Variants in CRYL1 observed in about 807,000 individuals in gnomAD.
CRYL1 encodes lambda-crystallin homolog.
CRYL1 carries 29 observed loss-of-function variants against 36.6 expected under a neutral mutation model. The observed-to-expected ratio is 0.79, with a 90% CI of 0.59 to 1.08. The LOEUF (loss-of-function observed/expected upper bound fraction) is 1.08, where lower values mean the gene tolerates loss of function less well. CRYL1 is among the 50% of genes least tolerant of loss of function. The pLI is 0.00. For synonymous variants in CRYL1, 152 were observed against 151.5 expected, an observed-to-expected ratio of 1.00 and a Z score of -0.02; for missense variants, 411 against 407.9, an observed-to-expected ratio of 1.01 and a Z score of -0.06.
rs946480468 is a variant in CRYL1 at position 20,425,374 on chromosome 13, C to T, written c.633+6728G>A. Among the ~76,000 whole-genome samples the T allele has an allele frequency of 3.9e-5, 6 of 152,198 alleles. No homozygotes were observed. The highest frequency in any genetic ancestry group is 2.1e-4 in the South Asian group (1 of 4,832). On this transcript the variant is annotated intron_variant, in intron 5 of 7. Coordinates refer to ENST00000298248, the MANE Select transcript of CRYL1 (RefSeq NM_015974.3). This position sits in a 1 kb window ranked among gnomAD's most constrained non-coding sequence, Gnocchi z 4.4. ...CTTCCAGAGTCGACATCTGAATAAC[C>T]GTCAGTGAGCCTGCCTTGCTCTGTT...
chr13:20,501,365 A>T (rs780975889), intron 2 of CRYL1, among the ~76,000 whole-genome samples: 1 of 152,210 alleles, frequency 6.6e-6, no homozygotes, highest in Non-Finnish European at 1.5e-5. Flanking sequence ...CCGCTGAGCC[A>T]CACTGGACCC....
intron 2 of CRYL1, among the ~76,000 whole-genome samples, chr13:20,510,360 A>G (rs2033890947): frequency 1.3e-5 from 2 of 152,196 alleles, no homozygotes. Context: ...GGAAACTTAA[A>G]TGCATTTTAC....
intron 4 of CRYL1, 62 bp downstream of exon 4, chr13:20,439,525 AAAAAAG>A: frequency 2.0e-5 from 22 of 1,076,382 alleles, no homozygotes; most frequent in East Asian, 6.2e-5. Context: ...AAAAAAAAAA[AAAAAAG>A]AAAAAAAAAA....
chr13:20,513,589 T>TGAA (rs1274122719), intron 1 of CRYL1: 2 of 152,034 alleles, frequency 1.3e-5, no homozygotes, highest in Non-Finnish European at 2.9e-5. Flanking sequence ...TCCACAAGGG[T>TGAA]GATAAGTTAT....
chr13:20,505,374 A>AAAAAAAAAAAAAAAAAAAAAAAAC (rs2033777161), intron 2 of CRYL1, among the ~76,000 whole-genome samples: 1 of 151,784 alleles, frequency 6.6e-6, no homozygotes, highest in Non-Finnish European at 1.5e-5. Context: ...AAAAAAAAAA[A>AAAAAAAAAAAAAAAAAAAAAAAAC]AAAAAAAATC....
intron 2 of CRYL1, among the ~76,000 whole-genome samples, chr13:20,496,698 T>C (rs886220044): frequency 1.3e-5 from 2 of 149,960 alleles, no homozygotes; most frequent in Admixed American, 6.7e-5. Flanking sequence ...ATCAGATCTC[T>C]TGTGCTCAGG....
chr13:20,503,122 T>C (rs1261720263), intron 2 of CRYL1, among the ~76,000 whole-genome samples: 1 of 152,230 alleles, frequency 6.6e-6, no homozygotes, highest in Non-Finnish European at 1.5e-5. Flanking sequence ...AATTAGCATA[T>C]ATATGACTTT....
At chr13:20,431,000 G>T (rs1387731621) in intron 5 of CRYL1, 1 of 985,326 alleles carries the variant, frequency 1.0e-6, no homozygotes, top group East Asian at 1.1e-4. Flanking sequence ...GGAGCCTTAA[G>T]TGGATTTAGA....
chr13:20,520,610 A>G (rs2034075022), intron 1 of CRYL1, among the ~76,000 whole-genome samples: 1 of 152,156 alleles, frequency 6.6e-6, no homozygotes, highest in South Asian at 2.1e-4. Flanking sequence ...TTCATTGCAG[A>G]GGACCAACAG....
chr13:20,481,750 A>G lies in CRYL1; in HGVS notation c.276+7620T>C, dbSNP rs1487069238. 6.6e-6 allele frequency among the ~76,000 whole-genome samples: 1 copy of G among 152,106 alleles called. No individual in the cohort carries two copies. Among genetic ancestry groups the G allele is most frequent in the African/African-American group, 2.4e-5 (1 of 41,416 alleles). On this transcript the variant is annotated intron_variant, in intron 3 of 7. Transcript: ENST00000298248. The surrounding 1 kb of genome is among the most constrained non-coding windows in gnomAD (Gnocchi z 4.1). ...ACATGATGAAACCCCGTCTCTACTA[A>G]AAATACAAAACTTAGCCCGGCATGG...
chr13:20,493,177 C>T (rs2033543668), intron 2 of CRYL1, among the ~76,000 whole-genome samples: 1 of 152,226 alleles, frequency 6.6e-6, no homozygotes, highest in Non-Finnish European at 1.5e-5. Context: ...CCCCTTGGAA[C>T]TGGTGCTCCG....
At chr13:20,422,233 G>A (rs529819760) in intron 5 of CRYL1, among the ~76,000 whole-genome samples, 28 of 151,766 alleles carry the variant, frequency 1.8e-4, no homozygotes, top group African/African-American at 5.3e-4. Flanking sequence ...GGTGGCATGC[G>A]CCTGTAGTCC....
At chr13:20,410,884 G>T (rs1593426254) in intron 6 of CRYL1, among the ~76,000 whole-genome samples, 1 of 152,242 alleles carries the variant, frequency 6.6e-6, no homozygotes, top group African/African-American at 2.4e-5. Context: ...CCAGGGTAAG[G>T]AGCCGGCCGG....
At chr13:20,409,788 A>G (rs2031472487) in intron 6 of CRYL1, among the ~76,000 whole-genome samples, 1 of 151,054 alleles carries the variant, frequency 6.6e-6, no homozygotes, top group African/African-American at 2.4e-5. Context: ...AAAAATGCTC[A>G]CCATCACTGG....
chr13:20,482,750 T>C (rs1271779862), intron 3 of CRYL1, among the ~76,000 whole-genome samples: 1 of 152,158 alleles, frequency 6.6e-6, no homozygotes. Context: ...TGTGTGTGTG[T>C]GTGTGTGCGC....
intron 2 of CRYL1, 152 bp from the exon 3 acceptor site, chr13:20,489,648 T>C: frequency 1.1e-6 from 1 of 883,806 alleles, no homozygotes; most frequent in South Asian, 1.8e-5. Flanking sequence ...AAATAGAAAC[T>C]AGCAATTGTT....
chr13:20,495,978 T>G (rs9509250), intron 2 of CRYL1, among the ~76,000 whole-genome samples: 5 of 152,024 alleles, frequency 3.3e-5, no homozygotes, highest in Admixed American at 3.3e-4. Flanking sequence ...TTGTATTTTT[T>G]AGTGGAGACG....
intron 3 of CRYL1, among the ~76,000 whole-genome samples, chr13:20,476,058 C>T (rs1226138023): frequency 6.6e-6 from 1 of 152,178 alleles, no homozygotes; most frequent in Non-Finnish European, 1.5e-5. Context: ...AAGGAAACCA[C>T]AGTAGGTCTC....
At chr13:20,437,111 T>G (rs2032238099) in intron 4 of CRYL1, among the ~76,000 whole-genome samples, 1 of 151,778 alleles carries the variant, frequency 6.6e-6, no homozygotes, top group Non-Finnish European at 1.5e-5. Flanking sequence ...GCAGTGAGCT[T>G]TGATGGCACC....
Sources: gnomAD v4.1 joint callset for allele counts (sites outside exome capture counted in the v4.1 genomes callset) on GRCh38, gnomAD v4.1.1 for gene constraint, Gnocchi (gnomAD v3.1) non-coding constraint, MANE v1.5 for transcripts, NCBI Gene and HGNC (gene_info 2026-07-23, HGNC 2026-07-21) for gene names.